WNK3: variants seen among roughly 807,000 people sequenced by gnomAD.
WNK3 encodes the protein serine/threonine-protein kinase WNK3.
A neutral mutation model predicts 116.7 loss-of-function variants in WNK3; 18 were observed. That is an observed-to-expected ratio of 0.15 (90% CI 0.11 to 0.23). The LOEUF (loss-of-function observed/expected upper bound fraction) is 0.23, where lower values mean the gene tolerates loss of function less well. Ranked by LOEUF, WNK3 falls within the 10% of genes least tolerant of loss-of-function variation. WNK3 has a pLI of 1.00. For missense variants in WNK3, 993 were observed against 1,323.8 expected (o/e 0.75, Z 3.88); for synonymous variants, 404 against 469.4 (o/e 0.86, Z 1.80).
intron 2 of WNK3, among the ~76,000 whole-genome samples, 157 bp from the exon 3 acceptor site, chrX:54,311,448 G>T (rs2068885877): frequency 8.9e-6 from 1 of 112,044 alleles, no homozygotes; most frequent in African/African-American, 3.2e-5. Context: ...TATCATCACA[G>T]ATATCCTTTA....
At chrX:54,307,983 G>A in exon 5 of WNK3, 1 of 1,207,750 alleles carries the variant, frequency 8.3e-7, no homozygotes, top group Non-Finnish European at 1.1e-6. Context: ...ATACTCCGAT[G>A]TGGCCATTTC....
At chrX:54,328,751 CA>C (rs1336016064) in intron 2 of WNK3, among the ~76,000 whole-genome samples, 1 of 112,275 alleles carries the variant, frequency 8.9e-6, no homozygotes, top group Non-Finnish European at 1.9e-5. Context: ...ATTTCCTCCA[CA>C]TTAGAGATTC....
At chrX:54,346,441 C>G (rs182960664) in intron 1 of WNK3, among the ~76,000 whole-genome samples, 1 of 107,696 alleles carries the variant, frequency 9.3e-6, no homozygotes, top group Admixed American at 1.0e-4. Flanking sequence ...CCTGTCTCTA[C>G]AAAAAATAAA....
chrX:54,327,404 T>C (rs2069118712), intron 2 of WNK3, among the ~76,000 whole-genome samples: 1 of 111,336 alleles, frequency 9.0e-6, no homozygotes, highest in Admixed American at 9.6e-5. Flanking sequence ...GACAACATAA[T>C]GAGACTGTCT....
At chrX:54,224,691 T>G (rs782341116) in intron 22 of WNK3, among the ~76,000 whole-genome samples, 204 of 108,863 alleles carry the variant, frequency 1.9e-3, no homozygotes, top group Admixed American at 6.9e-3. Context: ...TGCCTCAGCC[T>G]CCCGAGTAGC....
At chrX:54,205,348 C>T (rs2067543502) in intron 22 of WNK3, among the ~76,000 whole-genome samples, 1 of 111,595 alleles carries the variant, frequency 9.0e-6, no homozygotes, top group Admixed American at 9.6e-5. Context: ...AACATTTCTC[C>T]ACTAAGGGAA....
At chrX:54,202,720 G>A (rs1280750993) in intron 22 of WNK3, among the ~76,000 whole-genome samples, 1 of 109,635 alleles carries the variant, frequency 9.1e-6, no homozygotes, top group East Asian at 2.8e-4. Flanking sequence ...CCTCTTGTTT[G>A]GACAGCAAAT....
chrX:54,303,906 G>A (rs193053244), intron 5 of WNK3, among the ~76,000 whole-genome samples: 101 of 111,277 alleles, frequency 9.1e-4, no homozygotes, highest in African/African-American at 3.2e-3. Flanking sequence ...AACAGTTCAG[G>A]AGCTGTAACT....
At chrX:54,300,339 T>G (rs1320367424) in intron 6 of WNK3, among the ~76,000 whole-genome samples, 1 of 110,729 alleles carries the variant, frequency 9.0e-6, no homozygotes, top group East Asian at 2.8e-4. Flanking sequence ...TTTAATATTT[T>G]GTAGAGACAA....
At chrX:54,290,626 G>A (rs782596146) in intron 10 of WNK3, among the ~76,000 whole-genome samples, 16 of 111,544 alleles carry the variant, frequency 1.4e-4, no homozygotes, top group Non-Finnish European at 2.8e-4. Flanking sequence ...CTTATTTATC[G>A]CAATTTACTA....
intron 20 of WNK3, among the ~76,000 whole-genome samples, chrX:54,233,297 G>T (rs2067923610): frequency 9.4e-6 from 1 of 105,971 alleles, no homozygotes; most frequent in Admixed American, 1.0e-4. Flanking sequence ...AATTAGCTGG[G>T]CACGGTGGTG....
At chrX:54,309,707 A>G (rs938462568) in intron 3 of WNK3, among the ~76,000 whole-genome samples, 2 of 111,495 alleles carry the variant, frequency 1.8e-5, no homozygotes, top group Admixed American at 1.9e-4. Context: ...TAATTTTTGC[A>G]TTTTGGCATA....
exon 7 of WNK3, chrX:54,298,179 T>G: frequency 1.7e-6 from 2 of 1,166,489 alleles, no homozygotes; most frequent in Non-Finnish European, 2.3e-6. Context: ...ACTTACCATT[T>G]CATATGCTAC....
At chrX:54,293,309 G>A in exon 9 of WNK3, 1 of 1,189,924 alleles carries the variant, frequency 8.4e-7, no homozygotes, top group Non-Finnish European at 1.1e-6. Flanking sequence ...TGCAGCTCCT[G>A]CCTCAGACAA....
chrX:54,308,184 C>T (rs781879206), intron 4 of WNK3, 105 bp from the exon 5 acceptor site: 153 of 751,040 alleles, frequency 2.0e-4, no homozygotes, highest in Non-Finnish European at 2.7e-4. Context: ...TTCTACTCCC[C>T]CAAAGCAAAT....
chrX:54,284,032 G>A (rs1451963332), intron 10 of WNK3, among the ~76,000 whole-genome samples: 2 of 110,432 alleles, frequency 1.8e-5, no homozygotes, highest in African/African-American at 6.6e-5. Flanking sequence ...AACTACAATA[G>A]AAAAACTTTG....
intron 1 of WNK3, among the ~76,000 whole-genome samples, chrX:54,335,261 A>G (rs1212895450): frequency 1.8e-5 from 2 of 111,268 alleles, no homozygotes; most frequent in Non-Finnish European, 3.8e-5. Flanking sequence ...CAAAACAACA[A>G]CAACAACAAT....
intron 10 of WNK3, among the ~76,000 whole-genome samples, chrX:54,271,070 C>T (rs1199760640): frequency 2.7e-5 from 3 of 111,980 alleles, no homozygotes; most frequent in African/African-American, 6.5e-5. Flanking sequence ...TGAGCCACTG[C>T]GCCCAGCCTA....
At chrX:54,265,605 T>C (rs1291901540) in intron 10 of WNK3, among the ~76,000 whole-genome samples, 1 of 112,285 alleles carries the variant, frequency 8.9e-6, no homozygotes. Context: ...GCTTTTACTA[T>C]CAAAGAGATG....
Sources: gnomAD v4.1 joint callset for allele counts (sites outside exome capture counted in the v4.1 genomes callset) on GRCh38, gnomAD v4.1.1 for gene constraint, MANE v1.5 for transcripts, NCBI Gene and HGNC (gene_info 2026-07-23, HGNC 2026-07-21) for gene names.